Variants in TDRD1 observed in about 807,000 individuals in gnomAD.
TDRD1 encodes the protein tudor domain containing 1.
Under a neutral mutation model 140.6 loss-of-function variants are expected in TDRD1, and 37 were observed. The ratio of observed to expected loss-of-function variants is 0.26; its 90% CI spans 0.20 to 0.35. The LOEUF (loss-of-function observed/expected upper bound fraction) is 0.35, where lower values mean the gene tolerates loss of function less well. Ranked by LOEUF, TDRD1 falls within the 10% of genes least tolerant of loss-of-function variation. The pLI, the probability that TDRD1 is intolerant of heterozygous loss-of-function variation, is 1.00. For synonymous variants in TDRD1, 506 were observed against 475.7 expected, an observed-to-expected ratio of 1.06 and a Z score of -0.83; for missense variants, 1,243 against 1,393.0, an observed-to-expected ratio of 0.89 and a Z score of 1.71.
intron 11 of TDRD1, among the ~76,000 whole-genome samples, chr10:114,210,214 G>T (rs1421546296): frequency 6.6e-6 from 1 of 152,084 alleles, no homozygotes; most frequent in Admixed American, 6.5e-5. Context: ...GAGTGAGTAG[G>T]TCCTAATCTA....
At chr10:114,182,072 A>T (rs1035169146) in intron 1 of TDRD1, among the ~76,000 whole-genome samples, 2 of 152,192 alleles carry the variant, frequency 1.3e-5, no homozygotes, top group African/African-American at 4.8e-5. Flanking sequence ...CCAAAAGTTA[A>T]TGCATAAATG....
chr10:114,216,150 T>C (rs1429644753), intron 16 of TDRD1, among the ~76,000 whole-genome samples: 2 of 152,216 alleles, frequency 1.3e-5, no homozygotes, highest in African/African-American at 4.8e-5. Flanking sequence ...TCGTGGCACA[T>C]TTGTCGCAAC....
chr10:114,184,949 G>T (rs1462124035), intron 1 of TDRD1, among the ~76,000 whole-genome samples: 1 of 151,930 alleles, frequency 6.6e-6, no homozygotes, highest in Non-Finnish European at 1.5e-5. Context: ...TTGCAGTCCA[G>T]CATATACTCA....
Position 114,201,374 on chromosome 10 carries a change from C to G in TDRD1, c.530-36C>G, listed in dbSNP as rs772201419. Reference sequence around the variant, plus strand: ...GTGTGGACTTTGAGAATGTCTTGATCTTCATCTGAACTATTTTGTGGGTGG... The same window carrying G: ...GTGTGGACTTTGAGAATGTCTTGATGTTCATCTGAACTATTTTGTGGGTGG... On this transcript the variant is annotated intron_variant, in intron 4 of 25. Transcript: ENST00000251864. 2.6e-6 allele frequency: 4 copies of G among 1,539,476 alleles called. No homozygotes were observed. The Admixed American group carries it at 6.7e-5, about 26-fold the overall frequency.
At chr10:114,176,224 A>G (rs75907532), upstream of TDRD1, among the ~76,000 whole-genome samples, 2,959 of 152,174 alleles carry the variant, frequency 0.019, 58 homozygotes, top group Middle Eastern at 0.027. The surrounding 1 kb of genome is among the most constrained non-coding windows in gnomAD (Gnocchi z 4.2). Context: ...GAAATGCTAC[A>G]ATAGAGAAGC....
intron 3 of TDRD1, 141 bp from the exon 4 acceptor site, chr10:114,199,032 G>A (rs2034556241): frequency 2.1e-6 from 2 of 945,928 alleles, no homozygotes; most frequent in Non-Finnish European, 3.1e-6. Context: ...TTATATATAA[G>A]TTCAGGGTTT....
At chr10:114,180,025 G>C (rs945271034) in intron 1 of TDRD1, 1 of 152,240 alleles carries the variant, frequency 6.6e-6, no homozygotes, top group African/African-American at 2.4e-5. Context: ...TGTGTAAGGT[G>C]CTGGCCCTGG....
rs1316746031 is a variant in TDRD1, at chr10:114,181,835, G to C, written c.-7+2419G>C. 6.6e-5 allele frequency among the ~76,000 whole-genome samples: 7 copies of C among 106,824 alleles called. No homozygotes were observed. In the East Asian group the frequency reaches 1.9e-3, roughly 29 times the overall value. The allele number at this position is 106,824 out of a possible 152,430, so 70.1% of individuals were successfully genotyped here. ...CACTCCATTCTGGGCGATGGAGCGA[G>C]ACAACATCTCAAAAAAAAAAAAAAA... is the stretch of plus-strand genomic sequence containing the variant. On this transcript the variant is annotated intron_variant, in intron 1 of 25. Coordinates refer to ENST00000251864, the Ensembl canonical transcript of TDRD1.
chr10:114,176,083 T>C (rs920615683), upstream of TDRD1, among the ~76,000 whole-genome samples: 5 of 152,116 alleles, frequency 3.3e-5, no homozygotes, highest in South Asian at 4.1e-4. The surrounding 1 kb of genome is among the most constrained non-coding windows in gnomAD (Gnocchi z 4.2). Context: ...TCTGTGAATC[T>C]AGAACCATTA....
Position 114,203,058 on chromosome 10 carries a change from A to AT in TDRD1, c.697-9dup. The AT allele has an allele frequency of 6.3e-7, 1 of 1,584,990 alleles. No individual in the cohort carries two copies. Among genetic ancestry groups the AT allele is most frequent in the Non-Finnish European group, 8.7e-7 (1 of 1,153,752 alleles). ...CTTTTAAGTAACTCACTTCTGTGGT[A>AT]TTTTTCAAACCAGAGTGACTGTCCA... is the stretch of plus-strand genomic sequence containing the variant. On this transcript the variant is annotated splice_polypyrimidine_tract_variant and intron_variant, in intron 6 of 25. Coordinates refer to ENST00000251864, the Ensembl canonical transcript of TDRD1.
intron 3 of TDRD1, among the ~76,000 whole-genome samples, 157 bp from the exon 4 acceptor site, chr10:114,199,016 T>C (rs2034555704): frequency 1.3e-5 from 2 of 152,170 alleles, no homozygotes. Context: ...TCACCGTATG[T>C]TTGTTTTATA....
rs2034935101 is a variant in TDRD1 at position 114,203,980 on chromosome 10, C to T, written c.982-93C>T. ...TGAGTGCCTCAGAACAGGAGCCTTTCCTTTGCACGTTCTATAGATTGATTG... is the reference window on the plus strand; with the variant it reads ...TGAGTGCCTCAGAACAGGAGCCTTTTCTTTGCACGTTCTATAGATTGATTG... On this transcript the variant is annotated intron_variant, in intron 8 of 25. Coordinates refer to ENST00000251864, the Ensembl canonical transcript of TDRD1. 5 of 1,466,818 alleles carry T rather than the reference C, an allele frequency of 3.4e-6. No individual in the cohort carries two copies. In the East Asian group the frequency reaches 9.5e-5, roughly 28 times the overall value. The allele number at this position is 1,466,818 out of a possible 1,614,324, so 90.9% of individuals were successfully genotyped here.
chr10:114,201,338 T>C (rs2034726825), intron 4 of TDRD1, 72 bp from the exon 5 acceptor site: 1 of 1,211,276 alleles, frequency 8.3e-7, no homozygotes, highest in Non-Finnish European at 1.2e-6. Context: ...AATAGAATGA[T>C]ATTTGCTAAA....
At position 114,181,946 on chromosome 10, in the gene TDRD1, CAAAG is replaced by C. The variant is rs1379238295; in HGVS notation, c.-7+2534_-7+2537del. On this transcript the variant is annotated intron_variant, in intron 1 of 25. Coordinates refer to ENST00000251864, the Ensembl canonical transcript of TDRD1. The stretch of plus-strand genomic sequence containing the variant: ...GCGTTACATTCATAGAACTGTAAAT[CAAAG>C]AAATCAAAGTCCATGTAATGGTATG... Among the ~76,000 whole-genome samples the C allele has an allele frequency of 4.6e-5, 7 of 151,962 alleles. No homozygotes were observed. In the East Asian group the frequency reaches 1.2e-3, roughly 25 times the overall value.
chr10:114,199,895 T>C (rs1412834975), intron 4 of TDRD1, among the ~76,000 whole-genome samples: 1 of 152,360 alleles, frequency 6.6e-6, no homozygotes, highest in Middle Eastern at 3.4e-3. Flanking sequence ...TTGTCTGTTA[T>C]GAATAGAGCT....
chr10:114,206,415 CTGT>C lies in TDRD1; in HGVS notation c.1384+87_1384+89del, dbSNP rs779969395. On this transcript the variant is annotated intron_variant, in intron 11 of 25. Coordinates refer to ENST00000251864, the Ensembl canonical transcript of TDRD1. ...ACTAAACAAAGGCACAACTTTAGCA[CTGT>C]TAAGACTTGTTAACGATAAACATCC... 4 of 995,794 alleles carry C rather than the reference CTGT, an allele frequency of 4.0e-6. No homozygotes were observed. In the South Asian group the frequency reaches 4.5e-5, roughly 11 times the overall value. 61.7% of individuals were successfully genotyped at this position (995,794 alleles called of 1,614,324 possible).
intron 1 of TDRD1, among the ~76,000 whole-genome samples, chr10:114,182,095 C>G (rs1471353706): frequency 6.6e-6 from 1 of 152,216 alleles, no homozygotes; most frequent in East Asian, 1.9e-4. Flanking sequence ...AGTGTTCAAA[C>G]TCAGGGACAT....
exon 14 of TDRD1, chr10:114,211,881 A>G: frequency 6.4e-7 from 1 of 1,572,118 alleles, no homozygotes; most frequent in Non-Finnish European, 8.6e-7. Context: ...GATCAGTGGT[A>G]CCGTGCCTCT....
chr10:114,182,249 C>CA (rs1013067066), intron 1 of TDRD1, among the ~76,000 whole-genome samples: 23 of 152,118 alleles, frequency 1.5e-4, no homozygotes, highest in African/African-American at 2.4e-4. Flanking sequence ...AACCATTTTA[C>CA]AAAAAACACT....
Sources: gnomAD v4.1 joint callset for allele counts (sites outside exome capture counted in the v4.1 genomes callset) on GRCh38, gnomAD v4.1.1 for gene constraint, Gnocchi (gnomAD v3.1) non-coding constraint, MANE v1.5 for transcripts, NCBI Gene and HGNC (gene_info 2026-07-23, HGNC 2026-07-21) for gene names.